The following LRRC3B variants were observed in gnomAD, a reference collection of about 807,000 sequenced individuals.
LRRC3B encodes the protein leucine-rich repeat-containing protein 3B.
A neutral mutation model predicts 12.8 loss-of-function variants in LRRC3B; 2 were observed. That is an observed-to-expected ratio of 0.16 (90% CI 0.06 to 0.49). The LOEUF (loss-of-function observed/expected upper bound fraction) is 0.49. Ranked by LOEUF, LRRC3B falls within the 20% of genes least tolerant of loss-of-function variation. The probability of loss-of-function intolerance (pLI) is 0.96; values close to 1 mark genes in which losing one functional copy is unlikely to be tolerated. For missense variants in LRRC3B, 189 were observed against 319.4 expected, an observed-to-expected ratio of 0.59 and a Z score of 3.11; for synonymous variants, 132 against 122.0, an observed-to-expected ratio of 1.08 and a Z score of -0.54.
chr3:26,698,919 A>G (rs1399871783), intron 1 of LRRC3B, among the ~76,000 whole-genome samples: 1 of 152,092 alleles, frequency 6.6e-6, no homozygotes, highest in Non-Finnish European at 1.5e-5. Context: ...TGTTCCAATA[A>G]TGTCCCTTTC....
chr3:26,704,029 A>G (rs1389094250), intron 1 of LRRC3B, among the ~76,000 whole-genome samples: 1 of 152,118 alleles, frequency 6.6e-6, no homozygotes, highest in Non-Finnish European at 1.5e-5. Context: ...TAAAAAGGCA[A>G]TTCCTCTTCT....
intron 1 of LRRC3B, among the ~76,000 whole-genome samples, chr3:26,654,210 T>C (rs1163916805): frequency 6.6e-6 from 1 of 152,252 alleles, no homozygotes; most frequent in Non-Finnish European, 1.5e-5. Context: ...TCTTGAATGC[T>C]GTTCAAGTAT....
chr3:26,664,289 G>A (rs1409547053), intron 1 of LRRC3B, among the ~76,000 whole-genome samples: 2 of 151,950 alleles, frequency 1.3e-5, no homozygotes, highest in Non-Finnish European at 2.9e-5. Flanking sequence ...CAGGAGTTTT[G>A]GGTAACATTT....
chr3:26,644,318 A>G (rs990309697), intron 1 of LRRC3B, among the ~76,000 whole-genome samples: 5 of 152,236 alleles, frequency 3.3e-5, no homozygotes, highest in Admixed American at 2.0e-4. Context: ...CTTAGCAGGT[A>G]ATACCCAGTA....
chr3:26,658,959 G>T (rs1699435125), intron 1 of LRRC3B, among the ~76,000 whole-genome samples: 1 of 152,220 alleles, frequency 6.6e-6, no homozygotes, highest in Non-Finnish European at 1.5e-5. Context: ...AGGATCTGGG[G>T]TGGTATCAGG....
intron 1 of LRRC3B, among the ~76,000 whole-genome samples, chr3:26,678,077 A>T (rs1462787284): frequency 1.3e-5 from 2 of 151,912 alleles, no homozygotes; most frequent in East Asian, 3.9e-4. Flanking sequence ...TTGGCCTCCC[A>T]AAGTGCTCGG....
intron 1 of LRRC3B, among the ~76,000 whole-genome samples, chr3:26,643,802 G>A (rs1277433759): frequency 6.6e-6 from 1 of 152,188 alleles, no homozygotes; most frequent in East Asian, 1.9e-4. Flanking sequence ...CAAGTCTCAG[G>A]AGTTACAGGT....
intron 1 of LRRC3B, among the ~76,000 whole-genome samples, chr3:26,707,216 A>G (rs531865361): frequency 7.1e-6 from 1 of 140,618 alleles, no homozygotes; most frequent in Non-Finnish European, 1.6e-5. Flanking sequence ...AAAAAAAAAA[A>G]TAGCTGGGCG....
At chr3:26,682,009 CAATA>C (rs546193491) in intron 1 of LRRC3B, among the ~76,000 whole-genome samples, 4 of 151,874 alleles carry the variant, frequency 2.6e-5, no homozygotes, top group African/African-American at 7.2e-5. Flanking sequence ...AAGATATTAA[CAATA>C]AATAATAATA....
chr3:26,678,725 A>G (rs556313450), intron 1 of LRRC3B, among the ~76,000 whole-genome samples: 51 of 152,332 alleles, frequency 3.3e-4, no homozygotes, highest in African/African-American at 1.2e-3. Context: ...AACCAGATAT[A>G]AAAATGACTT....
At chr3:26,674,176 T>C (rs994677129) in intron 1 of LRRC3B, among the ~76,000 whole-genome samples, 2 of 152,198 alleles carry the variant, frequency 1.3e-5, no homozygotes, top group Non-Finnish European at 2.9e-5. Flanking sequence ...TATGATGACT[T>C]TCATCACCTC....
intron 1 of LRRC3B, among the ~76,000 whole-genome samples, chr3:26,693,532 T>A (rs1192793090): frequency 6.6e-6 from 1 of 152,080 alleles, no homozygotes; most frequent in South Asian, 2.1e-4. Context: ...CAAAAGACCA[T>A]GGATAATACA....
chr3:26,680,562 T>C (rs1436956073), intron 1 of LRRC3B, among the ~76,000 whole-genome samples: 1 of 152,228 alleles, frequency 6.6e-6, no homozygotes, highest in Non-Finnish European at 1.5e-5. Context: ...TACACCTCAG[T>C]AGTTCCCCAA....
At chr3:26,705,978 G>A (rs544328538) in intron 1 of LRRC3B, among the ~76,000 whole-genome samples, 2 of 152,166 alleles carry the variant, frequency 1.3e-5, no homozygotes, top group South Asian at 2.1e-4. Flanking sequence ...CTACATCCTG[G>A]ACATCTAAGT....
chr3:26,699,096 A>G (rs1163909453), intron 1 of LRRC3B, among the ~76,000 whole-genome samples: 1 of 151,948 alleles, frequency 6.6e-6, no homozygotes, highest in South Asian at 2.1e-4. Flanking sequence ...CAAAAACTCC[A>G]GATTAGTAAA....
intron 1 of LRRC3B, among the ~76,000 whole-genome samples, chr3:26,666,422 A>T (rs1333231609): frequency 6.6e-6 from 1 of 151,690 alleles, no homozygotes; most frequent in Non-Finnish European, 1.5e-5. Context: ...GATTGGGGGG[A>T]TTTTAAGGGT....
intron 1 of LRRC3B, among the ~76,000 whole-genome samples, chr3:26,692,865 C>T (rs533918815): frequency 6.6e-6 from 1 of 152,316 alleles, no homozygotes; most frequent in East Asian, 1.9e-4. Context: ...TGGTCAGCTG[C>T]AGATCAAGTA....
chr3:26,640,149 T>C (rs1336510638), intron 1 of LRRC3B, among the ~76,000 whole-genome samples: 1 of 152,162 alleles, frequency 6.6e-6, no homozygotes, highest in East Asian at 1.9e-4. Flanking sequence ...CTTACTCCCT[T>C]TACTCTCCCC....
intron 1 of LRRC3B, among the ~76,000 whole-genome samples, chr3:26,654,316 C>T (rs2125417157): frequency 6.6e-6 from 1 of 152,276 alleles, no homozygotes; most frequent in East Asian, 1.9e-4. Context: ...TGTAGCAATG[C>T]TTCTCAAGTT....
Sources: allele counts gnomAD v4.1 joint callset (sites outside exome capture counted in the v4.1 genomes callset), GRCh38; gene constraint gnomAD v4.1.1; transcripts MANE v1.5; gene names NCBI Gene and HGNC (gene_info 2026-07-23, HGNC 2026-07-21).